The following SHISA6 variants were observed in gnomAD, a reference collection of about 807,000 sequenced individuals.
The protein encoded by SHISA6 is shisa family member 6.
A neutral mutation model predicts 47.9 loss-of-function variants in SHISA6; 22 were observed. That is an observed-to-expected ratio of 0.46 (90% CI 0.33 to 0.66). The LOEUF (loss-of-function observed/expected upper bound fraction) is 0.66, where lower values mean the gene tolerates loss of function less well. Ranked by LOEUF, SHISA6 falls within the 30% of genes least tolerant of loss-of-function variation. The pLI, the probability that SHISA6 is intolerant of heterozygous loss-of-function variation, is 0.02. For missense variants in SHISA6, 680 were observed against 764.6 expected, an observed-to-expected ratio of 0.89 and a Z score of 1.30; for synonymous variants, 388 against 337.8, an observed-to-expected ratio of 1.15 and a Z score of -1.63.
intron 3 of SHISA6, among the ~76,000 whole-genome samples, chr17:11,526,440 A>G (rs1266305872): frequency 6.6e-6 from 1 of 152,110 alleles, no homozygotes; most frequent in Non-Finnish European, 1.5e-5. Flanking sequence ...ACTATTTTCT[A>G]CCTGCTCCAC....
intron 3 of SHISA6, among the ~76,000 whole-genome samples, chr17:11,458,378 C>T (rs12601638): frequency 0.065 from 9,897 of 152,210 alleles, 348 homozygotes; most frequent in East Asian, 0.11. Context: ...CTCTCCCCTC[C>T]CCTGGGTGTG....
chr17:11,245,160 A>T (rs1218696650), intron 1 of SHISA6, among the ~76,000 whole-genome samples: 1 of 152,194 alleles, frequency 6.6e-6, no homozygotes, highest in Non-Finnish European at 1.5e-5. Context: ...ATTCTAATAG[A>T]TGAGTACCAA....
chr17:11,432,218 C>T (rs1914799367), intron 3 of SHISA6, among the ~76,000 whole-genome samples: 1 of 152,186 alleles, frequency 6.6e-6, no homozygotes, highest in Admixed American at 6.5e-5. Context: ...ATTTCTGTGA[C>T]TTCATGCTTC....
intron 3 of SHISA6, among the ~76,000 whole-genome samples, chr17:11,389,779 G>T (rs1233977244): frequency 2.0e-5 from 3 of 152,178 alleles, no homozygotes; most frequent in Non-Finnish European, 4.4e-5. Context: ...GCACTGAGTG[G>T]TCATCTAAGT....
chr17:11,332,725 C>G (rs1360626146), intron 2 of SHISA6, among the ~76,000 whole-genome samples: 1 of 152,134 alleles, frequency 6.6e-6, no homozygotes, highest in Non-Finnish European at 1.5e-5. Context: ...TAGATTATGC[C>G]CATGCCGGGG....
chr17:11,246,595 A>C (rs1907603120), intron 1 of SHISA6, among the ~76,000 whole-genome samples: 1 of 152,238 alleles, frequency 6.6e-6, no homozygotes, highest in Non-Finnish European at 1.5e-5. Context: ...CTGGGAAGGC[A>C]GAAAGAAGCA....
chr17:11,431,129 G>A (rs1380047069), intron 3 of SHISA6, among the ~76,000 whole-genome samples: 1 of 152,092 alleles, frequency 6.6e-6, no homozygotes, highest in African/African-American at 2.4e-5. Context: ...CGGAAAGACG[G>A]GATTCTCTTC....
In SHISA6 at chr17:11,426,732, T is replaced by C. The variant is rs562436807; in HGVS notation, c.895+47223T>C. Among the ~76,000 whole-genome samples, 134 of 152,324 alleles carry C rather than the reference T, an allele frequency of 8.8e-4. 1 individual carries two copies. The highest frequency in any genetic ancestry group is 3.1e-3 in the African/African-American group (128 of 41,568). On this transcript the variant is annotated intron_variant, in intron 3 of 5. Coordinates refer to ENST00000441885, the MANE Select transcript of SHISA6 (RefSeq NM_207386.4). ...TTTTACATGATCAATGAGCAACAAA[T>C]ATTTGTTGGATGCGACTCTCACGGT...
Position 11,558,509 on chromosome 17 carries a change from A to C in SHISA6, c.*205A>C, listed in dbSNP as rs2072006587. ...TCCAATACACTTAGACCCAGGACCA[A>C]GAGCAATCGCTCTTGCTCCTCCAGA... On this transcript the variant is annotated 3_prime_UTR_variant, in exon 6 of 6. Transcript: ENST00000441885. The C allele has an allele frequency of 1.6e-6, 1 of 609,088 alleles. No homozygotes were observed. The highest frequency in any genetic ancestry group is 3.0e-5 in the Admixed American group (1 of 33,550). 37.7% of individuals were successfully genotyped at this position (609,088 alleles called of 1,614,324 possible).
intron 2 of SHISA6, among the ~76,000 whole-genome samples, chr17:11,369,160 C>T (rs1436392210): frequency 2.0e-5 from 3 of 152,136 alleles, no homozygotes; most frequent in Non-Finnish European, 4.4e-5. Flanking sequence ...GCACTTCAGG[C>T]TTAGCTTTTT....
chr17:11,334,371 A>C (rs912975052), intron 2 of SHISA6, among the ~76,000 whole-genome samples: 8 of 152,146 alleles, frequency 5.3e-5, no homozygotes, highest in African/African-American at 1.9e-4. Flanking sequence ...TTGTGAGTAA[A>C]AACAGCTTTT....
At chr17:11,298,129 G>T (rs1909811450) in intron 2 of SHISA6, among the ~76,000 whole-genome samples, 2 of 152,206 alleles carry the variant, frequency 1.3e-5, no homozygotes, top group African/African-American at 2.4e-5. Flanking sequence ...AACAGATGAG[G>T]AAGCTGAAGC....
chr17:11,407,244 G>A (rs892646373), intron 3 of SHISA6, among the ~76,000 whole-genome samples: 10 of 151,916 alleles, frequency 6.6e-5, no homozygotes, highest in South Asian at 2.1e-4. Context: ...AAAGAGGTTA[G>A]GTAACCTGGC....
chr17:11,415,991 G>C (rs1050800884), intron 3 of SHISA6, among the ~76,000 whole-genome samples: 1 of 152,146 alleles, frequency 6.6e-6, no homozygotes, highest in Non-Finnish European at 1.5e-5. Flanking sequence ...GATAGGCTTC[G>C]TCTCCTTATA....
chr17:11,259,082 TGGG>T (rs1211546097), intron 1 of SHISA6, among the ~76,000 whole-genome samples: 4 of 151,398 alleles, frequency 2.6e-5, no homozygotes, highest in Non-Finnish European at 2.9e-5. Context: ...GGGGATGAAT[TGGG>T]GGAGATGGAT....
At chr17:11,247,775 C>CTT (rs1248779153) in intron 1 of SHISA6, among the ~76,000 whole-genome samples, 20 of 134,540 alleles carry the variant, frequency 1.5e-4, no homozygotes, top group African/African-American at 2.5e-4. Flanking sequence ...TGGCGTCTTT[C>CTT]TTTTTTTTTT....
chr17:11,398,561 G>A lies in SHISA6; in HGVS notation c.895+19052G>A, dbSNP rs200627351. 3.0e-4 allele frequency among the ~76,000 whole-genome samples: 45 copies of A among 151,930 alleles called. 1 individual carries two copies. Among genetic ancestry groups the A allele is most frequent in the African/African-American group, 7.5e-4 (31 of 41,452 alleles). On this transcript the variant is annotated intron_variant, in intron 3 of 5. Coordinates refer to ENST00000441885, the MANE Select transcript of SHISA6 (RefSeq NM_207386.4). Reference sequence around the variant, plus strand: ...ATTTTCATACTTAGGATGAACTTCCGCATTCCGACAGTAGGTTTTTTTGTT... The same window carrying A: ...ATTTTCATACTTAGGATGAACTTCCACATTCCGACAGTAGGTTTTTTTGTT...
At chr17:11,540,291 TG>T (rs2071822560) in intron 3 of SHISA6, among the ~76,000 whole-genome samples, 1 of 152,206 alleles carries the variant, frequency 6.6e-6, no homozygotes, top group African/African-American at 2.4e-5. Context: ...CTGTGGCTGC[TG>T]GTTGGGTTTG....
intron 2 of SHISA6, among the ~76,000 whole-genome samples, chr17:11,341,638 A>G (rs1033758230): frequency 1.3e-5 from 2 of 152,022 alleles, no homozygotes; most frequent in Admixed American, 6.6e-5. Flanking sequence ...CTGCCCAGGA[A>G]TCCCATTCTC....
Sources: gnomAD v4.1 joint callset for allele counts (sites outside exome capture counted in the v4.1 genomes callset) on GRCh38, gnomAD v4.1.1 for gene constraint, MANE v1.5 for transcripts, NCBI Gene and HGNC (gene_info 2026-07-23, HGNC 2026-07-21) for gene names.